The following ATAD1 variants were observed in gnomAD, a reference collection of about 807,000 sequenced individuals.
ATAD1 encodes the protein outer mitochondrial transmembrane helix translocase.
Under a neutral mutation model 42.7 loss-of-function variants are expected in ATAD1, and 18 were observed. That is an observed-to-expected ratio of 0.42 (90% CI 0.29 to 0.63). The LOEUF (loss-of-function observed/expected upper bound fraction) is 0.63. Among genes scored for constraint, ATAD1 ranks in the 20% least tolerant of loss-of-function variants. ATAD1 has a pLI of 0.19. For missense variants in ATAD1, 294 were observed against 440.4 expected (o/e 0.67, Z 2.98); for synonymous variants, 132 against 143.1 (o/e 0.92, Z 0.55).
chr10:87,799,046 T>C (rs1406260448), intron 2 of ATAD1, among the ~76,000 whole-genome samples: 2 of 152,130 alleles, frequency 1.3e-5, no homozygotes, highest in Admixed American at 1.3e-4. Flanking sequence ...ATCAAATACT[T>C]CATCAGGAAA....
chr10:87,808,236 C>T (rs929349907), intron 2 of ATAD1, among the ~76,000 whole-genome samples: 1 of 151,476 alleles, frequency 6.6e-6, no homozygotes, highest in African/African-American at 2.4e-5. Context: ...TTTTCCAATC[C>T]CCACCTTTTT....
intron 2 of ATAD1, among the ~76,000 whole-genome samples, chr10:87,796,126 T>C (rs1033158840): frequency 3.3e-5 from 5 of 152,226 alleles, no homozygotes; most frequent in African/African-American, 1.2e-4. Context: ...AAACATCTTC[T>C]ACACATGTGG....
chr10:87,759,078 T>C (rs1021013871), intron 8 of ATAD1, among the ~76,000 whole-genome samples: 4 of 152,350 alleles, frequency 2.6e-5, no homozygotes, highest in African/African-American at 2.4e-5. Flanking sequence ...AGTCTGATTA[T>C]AGTCAGACTT....
At chr10:87,807,191 TC>T (rs1856964984) in intron 2 of ATAD1, among the ~76,000 whole-genome samples, 1 of 152,130 alleles carries the variant, frequency 6.6e-6, no homozygotes, top group African/African-American at 2.4e-5. Context: ...GTTTTTCCTC[TC>T]CTATATGTGC....
chr10:87,812,202 G>GTA (rs1857216722), intron 2 of ATAD1, among the ~76,000 whole-genome samples: 1 of 152,088 alleles, frequency 6.6e-6, no homozygotes, highest in African/African-American at 2.4e-5. Flanking sequence ...TTAAAACATT[G>GTA]TATATCACCC....
At chr10:87,784,768 C>T (rs942404602) in intron 4 of ATAD1, 98 bp from the exon 5 acceptor site, 10 of 1,121,124 alleles carry the variant, frequency 8.9e-6, no homozygotes, top group Non-Finnish European at 1.3e-5. Context: ...AAAAACTTTC[C>T]CAATATTCAA....
In ATAD1 at chr10:87,763,659, T is replaced by C. The variant is rs533730948; in HGVS notation, c.831+4014A>G. ...CAGCACTTTAGCCTGGGTAATACAG[T>C]GAGACCCTAAAAAAACAACACGTCA... On this transcript the variant is annotated intron_variant, in intron 8 of 9. Transcript: ENST00000680024. 1.9e-4 allele frequency among the ~76,000 whole-genome samples: 29 copies of C among 151,664 alleles called. No individual in the cohort carries two copies. In the East Asian group the frequency reaches 2.5e-3, roughly 13 times the overall value.
intron 2 of ATAD1, among the ~76,000 whole-genome samples, chr10:87,805,912 C>T (rs1473696722): frequency 6.6e-6 from 1 of 152,012 alleles, no homozygotes; most frequent in Non-Finnish European, 1.5e-5. Context: ...AGATCATATT[C>T]CTCATGACCT....
chr10:87,756,907 C>A lies in ATAD1; in HGVS notation c.847G>T (p.Asp283Tyr). ...GTTTCCTGGGCAACTTCTAGCAGGT[C>A]TACATGCCTATCCACCTTAAACAAA... The part of the protein sequence containing the change: ...LKNENVDRHV[D>Y]LLEVAQETDG... Residue 283 changes from aspartate to tyrosine, a missense_variant, in exon 9 of 10, where the codon GAC (aspartate) becomes TAC (tyrosine). Physicochemically the swap from Asp to Tyr is radical, Grantham distance 160 (BLOSUM62 -3). Transcript: ENST00000680024. 2.5e-6 allele frequency: 4 copies of A among 1,604,362 alleles called. No homozygotes were observed. The highest frequency in any genetic ancestry group is 3.4e-6 in the Non-Finnish European group (4 of 1,176,960).
intron 2 of ATAD1, among the ~76,000 whole-genome samples, chr10:87,798,377 CG>C (rs1175415088): frequency 6.6e-6 from 1 of 152,116 alleles, no homozygotes; most frequent in East Asian, 1.9e-4. Flanking sequence ...TTATGTAAAA[CG>C]GAAGTAACAT....
At chr10:87,772,249 A>C (rs1009408010) in intron 6 of ATAD1, among the ~76,000 whole-genome samples, 3 of 151,500 alleles carry the variant, frequency 2.0e-5, no homozygotes, top group African/African-American at 7.3e-5. Flanking sequence ...AGTAGCTGGG[A>C]CTACAGGCAC....
chr10:87,840,232 C>T (rs1858006672), intron 1 of ATAD1, among the ~76,000 whole-genome samples: 1 of 152,058 alleles, frequency 6.6e-6, no homozygotes. Context: ...GCCTATAATC[C>T]CAACACTTCG....
At chr10:87,824,444 A>G (rs938309326) in intron 1 of ATAD1, among the ~76,000 whole-genome samples, 2 of 152,154 alleles carry the variant, frequency 1.3e-5, no homozygotes, top group Admixed American at 6.5e-5. Context: ...GTTAATTTGG[A>G]CAAGTTACTT....
chr10:87,764,181 C>T (rs1031975842), intron 8 of ATAD1, among the ~76,000 whole-genome samples: 1 of 150,896 alleles, frequency 6.6e-6, no homozygotes, highest in Non-Finnish European at 1.5e-5. Flanking sequence ...AAAAATGGGC[C>T]GAGCGCAGTG....
In ATAD1 at chr10:87,784,543, A is replaced by G. The variant is rs761810956; in HGVS notation, c.510T>C (p.Ser170=). The change falls in exon 5 of 10, where the codon TCT becomes TCC. Residue 170 remains serine, a synonymous_variant. Coordinates refer to ENST00000680024, the MANE Select transcript of ATAD1 (RefSeq NM_001321967.2). ...STLTDKWYGE[S]QKLAAAVFSL... ...AGAAGACAGCAGCAGCCAATTTCTG[A>G]GATTCTCCATACCACTTATCGGTCA... 3 of 1,613,868 alleles carry G rather than the reference A, an allele frequency of 1.9e-6. No homozygotes were observed. The South Asian group carries it at 3.3e-5, about 18-fold the overall frequency.
chr10:87,768,267 T>C (rs1182044439), intron 7 of ATAD1, among the ~76,000 whole-genome samples: 1 of 152,220 alleles, frequency 6.6e-6, no homozygotes, highest in Non-Finnish European at 1.5e-5. Flanking sequence ...ATACAATAAA[T>C]ACAAACTACA....
intron 8 of ATAD1, among the ~76,000 whole-genome samples, chr10:87,763,746 A>ACT (rs1854606293): frequency 6.6e-6 from 1 of 151,886 alleles, no homozygotes; most frequent in African/African-American, 2.4e-5. Flanking sequence ...GTTACATGGA[A>ACT]CTCTGCTTGA....
Position 87,818,160 on chromosome 10 carries a change from T to TACTC in ATAD1, c.-14+3_-14+6dup, listed in dbSNP as rs1857518913. The TACTC allele has an allele frequency of 1.0e-6, 1 of 985,478 alleles. No individual in the cohort carries two copies. Among genetic ancestry groups the TACTC allele is most frequent in the Non-Finnish European group, 1.2e-6 (1 of 830,082 alleles). The allele number at this position is 985,478 out of a possible 1,614,324, so 61.0% of individuals were successfully genotyped here. Reference sequence around the variant, plus strand: ...CCCATGAGGCCCCACGGGAACCAGCTACTCACCCAGGGGCAGAAACAGCAA... The same window carrying TACTC: ...CCCATGAGGCCCCACGGGAACCAGCTACTCACTCACCCAGGGGCAGAAACAGCAA... On this transcript the variant is annotated splice_region_variant and intron_variant, in intron 1 of 9. Coordinates refer to ENST00000680024, the MANE Select transcript of ATAD1 (RefSeq NM_001321967.2).
intron 5 of ATAD1, among the ~76,000 whole-genome samples, chr10:87,783,397 T>C (rs1855664512): frequency 6.6e-6 from 1 of 150,882 alleles, no homozygotes; most frequent in Admixed American, 6.6e-5. Flanking sequence ...CAAAATAAAC[T>C]AGCTATATAT....
Sources: gnomAD v4.1 joint callset for allele counts (sites outside exome capture counted in the v4.1 genomes callset) on GRCh38, gnomAD v4.1.1 for gene constraint, MANE v1.5 for transcripts, NCBI Gene and HGNC (gene_info 2026-07-23, HGNC 2026-07-21) for gene names.